MCPH1: variants seen among roughly 807,000 people sequenced by gnomAD.
MCPH1 encodes the protein microcephalin.
In MCPH1, 104 loss-of-function variants were observed where a neutral mutation model predicts 84.5. The observed-to-expected ratio is 1.23, with a 90% CI of 1.05 to 1.45. The LOEUF (loss-of-function observed/expected upper bound fraction) is 1.45, where lower values mean the gene tolerates loss of function less well. Ranked by LOEUF, MCPH1 falls within the 40% of genes most tolerant of loss-of-function variation. The pLI, the probability that MCPH1 is intolerant of heterozygous loss-of-function variation, is 0.00. For missense variants in MCPH1, 1,498 were observed against 1,005.7 expected, an observed-to-expected ratio of 1.49 and a Z score of -6.62; for synonymous variants, 514 against 366.8, an observed-to-expected ratio of 1.40 and a Z score of -4.58.
chr8:6,437,813 T>G (rs1022768833), intron 5 of MCPH1, among the ~76,000 whole-genome samples: 1 of 152,132 alleles, frequency 6.6e-6, no homozygotes, highest in Non-Finnish European at 1.5e-5. Flanking sequence ...TTGTTTGACT[T>G]CTTCTGTTTT....
At chr8:6,414,155 G>A (rs76859403) in intron 2 of MCPH1, among the ~76,000 whole-genome samples, 1 of 151,970 alleles carries the variant, frequency 6.6e-6, no homozygotes, top group Non-Finnish European at 1.5e-5. Flanking sequence ...ACAGGCGTCC[G>A]CCACCTTGCA....
chr8:6,523,469 T>C (rs1311302069), intron 12 of MCPH1, among the ~76,000 whole-genome samples: 1 of 152,212 alleles, frequency 6.6e-6, no homozygotes, highest in Non-Finnish European at 1.5e-5. Flanking sequence ...ATAGTTCCTG[T>C]CCATTAAGCC....
chr8:6,621,465 C>G lies in MCPH1; in HGVS notation c.2226C>G (p.Ser742Arg), dbSNP rs2912010. The stretch of plus-strand genomic sequence containing the variant: ...TGTCTGCCCCACAGCTGTGCCGAAG[C>G]GAGTGCCACTTGTCTGCAGGGCCGT... ...HHFPAAPLCR[S>R]ECHLSAGPYR... Residue 742 changes from serine to arginine, a missense_variant, in exon 13 of 14, where the codon AGC becomes AGG. Coordinates refer to ENST00000344683, the MANE Select transcript of MCPH1 (RefSeq NM_024596.5). 1.2e-6 allele frequency: 2 copies of G among 1,613,606 alleles called. No individual in the cohort carries two copies. Among genetic ancestry groups the G allele is most frequent in the East Asian group, 2.2e-5 (1 of 44,872 alleles).
chr8:6,561,024 A>T (rs1403827554), intron 12 of MCPH1, among the ~76,000 whole-genome samples: 2 of 152,248 alleles, frequency 1.3e-5, no homozygotes, highest in African/African-American at 4.8e-5. Context: ...GATGTGGGAA[A>T]GCCATTAACC....
chr8:6,519,859 C>G lies in MCPH1; in HGVS notation c.2214+19930C>G, dbSNP rs138224215. On this transcript the variant is annotated intron_variant, in intron 12 of 13. Transcript: ENST00000344683. Reference sequence around the variant, plus strand: ...GGAGTTAGTAAGGGGAGACGAATACCTCACCTTGATCTCTTCTGTAGAATT... The same window carrying G: ...GGAGTTAGTAAGGGGAGACGAATACGTCACCTTGATCTCTTCTGTAGAATT... The G allele has an allele frequency of 1.9e-6, 3 of 1,613,556 alleles. No individual in the cohort carries two copies. In the African/African-American group the frequency reaches 4.0e-5, roughly 22 times the overall value.
chr8:6,485,356 C>A (rs1203105222), intron 11 of MCPH1, among the ~76,000 whole-genome samples: 1 of 151,974 alleles, frequency 6.6e-6, no homozygotes, highest in East Asian at 1.9e-4. Flanking sequence ...ACATATCTAA[C>A]GTGCTTTCCA....
At chr8:6,468,611 A>G (rs1439392126) in intron 9 of MCPH1, among the ~76,000 whole-genome samples, 3 of 149,948 alleles carry the variant, frequency 2.0e-5, no homozygotes, top group East Asian at 1.9e-4. Flanking sequence ...CACTTTAGAC[A>G]CTAATGATGA....
intron 12 of MCPH1, among the ~76,000 whole-genome samples, chr8:6,516,392 C>A (rs1816276191): frequency 6.6e-6 from 1 of 152,148 alleles, no homozygotes; most frequent in African/African-American, 2.4e-5. Flanking sequence ...AGTTACTCAC[C>A]TTCTAAGTGA....
intron 12 of MCPH1, among the ~76,000 whole-genome samples, chr8:6,603,490 G>A (rs1052094082): frequency 1.3e-5 from 2 of 152,090 alleles, no homozygotes; most frequent in Non-Finnish European, 1.5e-5. Flanking sequence ...CCCTTTGCTC[G>A]AAAATGATCC....
intron 12 of MCPH1, among the ~76,000 whole-genome samples, chr8:6,608,613 A>C (rs1401119283): frequency 6.6e-6 from 1 of 152,142 alleles, no homozygotes; most frequent in Non-Finnish European, 1.5e-5. Flanking sequence ...CGTGATTCTC[A>C]TTCGGTCCTT....
rs183138325 is a variant in MCPH1, at chr8:6,568,762, G to A, written c.2215-52692G>A. Among the ~76,000 whole-genome samples, 41 of 152,282 alleles carry A rather than the reference G, an allele frequency of 2.7e-4. No individual in the cohort carries two copies. In the East Asian group the frequency reaches 3.9e-3, roughly 14 times the overall value. On this transcript the variant is annotated intron_variant, in intron 12 of 13. Transcript: ENST00000344683. ...GCAGCCCCTCCTGAGACTGTCTCCCGCCTGCCGTCCTCAGCACGGCCTGCC... is the reference window on the plus strand; with the variant it reads ...GCAGCCCCTCCTGAGACTGTCTCCCACCTGCCGTCCTCAGCACGGCCTGCC...
chr8:6,629,914 G>C (rs1461465452), intron 13 of MCPH1, among the ~76,000 whole-genome samples: 1 of 152,130 alleles, frequency 6.6e-6, no homozygotes, highest in Non-Finnish European at 1.5e-5. Context: ...CCAGCAAGTG[G>C]AAAACTCTTT....
At chr8:6,576,571 C>T (rs1184739016) in intron 12 of MCPH1, among the ~76,000 whole-genome samples, 2 of 145,780 alleles carry the variant, frequency 1.4e-5, no homozygotes, top group Non-Finnish European at 1.5e-5. Flanking sequence ...TGCAATGGTG[C>T]GATCTCAGTT....
chr8:6,633,100 A>T (rs1797287420), intron 13 of MCPH1, among the ~76,000 whole-genome samples: 1 of 152,164 alleles, frequency 6.6e-6, no homozygotes, highest in South Asian at 2.1e-4. Flanking sequence ...AAAAACGTAC[A>T]ACAAATATTG....
chr8:6,426,113 C>G (rs1205917570), intron 3 of MCPH1, among the ~76,000 whole-genome samples: 1 of 152,178 alleles, frequency 6.6e-6, no homozygotes. Context: ...GCCTCCCTTT[C>G]CCATCACTTT....
At chr8:6,524,948 G>A (rs772678955) in intron 12 of MCPH1, among the ~76,000 whole-genome samples, 1 of 152,234 alleles carries the variant, frequency 6.6e-6, no homozygotes, top group East Asian at 1.9e-4. Flanking sequence ...CACAAGGGCA[G>A]ACACCCTGCT....
At chr8:6,556,667 G>A (rs1244771939) in intron 12 of MCPH1, among the ~76,000 whole-genome samples, 6 of 151,828 alleles carry the variant, frequency 4.0e-5, no homozygotes, top group South Asian at 2.1e-4. Context: ...AGGCTGGAGC[G>A]CAATGGCACC....
At chr8:6,492,547 C>G (rs990181265) in intron 11 of MCPH1, among the ~76,000 whole-genome samples, 4 of 151,546 alleles carry the variant, frequency 2.6e-5, no homozygotes, top group Non-Finnish European at 4.4e-5. Flanking sequence ...AAGTCCTTGT[C>G]CATGCCTGTG....
At chr8:6,619,795 A>G (rs948045423) in intron 12 of MCPH1, among the ~76,000 whole-genome samples, 1 of 152,168 alleles carries the variant, frequency 6.6e-6, no homozygotes, top group Non-Finnish European at 1.5e-5. Context: ...CATGTTAGCC[A>G]GGATGATCTT....
Sources: gnomAD v4.1 joint callset for allele counts (sites outside exome capture counted in the v4.1 genomes callset) on GRCh38, gnomAD v4.1.1 for gene constraint, MANE v1.5 for transcripts, NCBI Gene and HGNC (gene_info 2026-07-23, HGNC 2026-07-21) for gene names.